Variants in ARHGAP6 observed in about 807,000 individuals in gnomAD.
The protein encoded by ARHGAP6 is rho GTPase-activating protein 6.
In ARHGAP6, 16 loss-of-function variants were observed where a neutral mutation model predicts 55.7. The ratio of observed to expected loss-of-function variants is 0.29; its 90% CI spans 0.19 to 0.44. The LOEUF (loss-of-function observed/expected upper bound fraction) is 0.44, where lower values mean the gene tolerates loss of function less well. Ranked by LOEUF, ARHGAP6 falls within the 20% of genes least tolerant of loss-of-function variation. The pLI is 1.00. For missense variants in ARHGAP6, 698 were observed against 808.9 expected, an observed-to-expected ratio of 0.86 and a Z score of 1.66; for synonymous variants, 382 against 360.9, an observed-to-expected ratio of 1.06 and a Z score of -0.66.
At chrX:11,641,259 CA>C (rs1352475111) in intron 1 of ARHGAP6, among the ~76,000 whole-genome samples, 2 of 111,461 alleles carry the variant, frequency 1.8e-5, no homozygotes, top group African/African-American at 6.5e-5. Context: ...TTAACAGTAA[CA>C]AGGATTTGCC....
intron 1 of ARHGAP6, among the ~76,000 whole-genome samples, chrX:11,340,727 TA>T (rs375095149): frequency 3.1e-3 from 296 of 96,262 alleles, no homozygotes; most frequent in Non-Finnish European, 3.2e-3. Context: ...AGACTCCGTC[TA>T]AAAAAAAAAA....
At chrX:11,452,749 A>G (rs1225057491) in intron 1 of ARHGAP6, among the ~76,000 whole-genome samples, 1 of 111,576 alleles carries the variant, frequency 9.0e-6, no homozygotes, top group East Asian at 2.8e-4. Flanking sequence ...CTCTACAGAG[A>G]TTTTTTCATA....
chrX:11,247,837 C>T (rs960469701), intron 2 of ARHGAP6, among the ~76,000 whole-genome samples: 9 of 111,549 alleles, frequency 8.1e-5, no homozygotes, highest in Non-Finnish European at 1.7e-4. Flanking sequence ...TTTCCTGGTT[C>T]TGTGACTAAG....
chrX:11,270,009 C>G (rs773539960), intron 1 of ARHGAP6, among the ~76,000 whole-genome samples: 15 of 112,056 alleles, frequency 1.3e-4, no homozygotes, highest in Non-Finnish European at 2.4e-4. Context: ...TAAAGAACAA[C>G]TAAAATTTAC....
chrX:11,601,715 A>G (rs1320730239), intron 1 of ARHGAP6, among the ~76,000 whole-genome samples: 1 of 111,755 alleles, frequency 8.9e-6, no homozygotes, highest in Non-Finnish European at 1.9e-5. Flanking sequence ...CAATGTGTCA[A>G]TCTCTAGAGA....
Position 11,633,519 on chromosome X carries a change from C to G in ARHGAP6, c.588+30722G>C, listed in dbSNP as rs755945627. ...ATCACTCCACTATACCCACTGTTTC[C>G]AATTCACTGACATTCCATCACCCTT... On this transcript the variant is annotated intron_variant, in intron 1 of 12. Transcript: ENST00000337414. Among the ~76,000 whole-genome samples, 3 of 112,050 alleles carry G rather than the reference C, an allele frequency of 2.7e-5. No homozygotes were observed. The South Asian group carries it at 1.1e-3, about 42-fold the overall frequency.
intron 1 of ARHGAP6, among the ~76,000 whole-genome samples, chrX:11,540,523 G>C (rs1011070820): frequency 9.0e-6 from 1 of 111,114 alleles, no homozygotes; most frequent in Admixed American, 9.6e-5. Flanking sequence ...ACAGATAACT[G>C]TCTTTCCTTG....
intron 3 of ARHGAP6, among the ~76,000 whole-genome samples, chrX:11,189,305 G>A (rs1218979608): frequency 3.6e-5 from 4 of 111,894 alleles, no homozygotes; most frequent in Non-Finnish European, 7.5e-5. Flanking sequence ...AATGGGAGGC[G>A]CAAAGCTTAT....
intron 1 of ARHGAP6, among the ~76,000 whole-genome samples, chrX:11,342,670 A>T (rs2048721851): frequency 8.9e-6 from 1 of 112,253 alleles, no homozygotes; most frequent in Non-Finnish European, 1.9e-5. Flanking sequence ...GAATTCTGCC[A>T]CTTTGAGGTT....
chrX:11,578,593 C>T (rs1048183190), intron 1 of ARHGAP6, among the ~76,000 whole-genome samples: 7 of 111,869 alleles, frequency 6.3e-5, no homozygotes, highest in South Asian at 7.5e-4. Context: ...GACTGTAAAC[C>T]AGTTCAACCA....
intron 1 of ARHGAP6, among the ~76,000 whole-genome samples, chrX:11,565,175 A>C (rs1259594914): frequency 8.9e-6 from 1 of 112,154 alleles, no homozygotes; most frequent in East Asian, 2.8e-4. Flanking sequence ...TCACATCAAC[A>C]ACTATCACTG....
intron 1 of ARHGAP6, among the ~76,000 whole-genome samples, chrX:11,342,056 G>A (rs1275853009): frequency 2.7e-5 from 3 of 109,452 alleles, no homozygotes; most frequent in Non-Finnish European, 5.7e-5. Flanking sequence ...GGGGAAAGGG[G>A]AAATGGTGAG....
chrX:11,312,154 A>T (rs2048309359), intron 1 of ARHGAP6, among the ~76,000 whole-genome samples: 1 of 112,171 alleles, frequency 8.9e-6, no homozygotes, highest in African/African-American at 3.2e-5. Flanking sequence ...CTTGAACTAA[A>T]GTTTCTTTGA....
At chrX:11,360,954 G>A (rs1469149469) in intron 1 of ARHGAP6, among the ~76,000 whole-genome samples, 2 of 110,599 alleles carry the variant, frequency 1.8e-5, no homozygotes, top group East Asian at 5.6e-4. Context: ...AAGGGACGTG[G>A]AGGACCTCTT....
rs187188871 is a variant in ARHGAP6 at position 11,419,882 on chromosome X, C to T, written c.589-165175G>A. On this transcript the variant is annotated intron_variant, in intron 1 of 12. Coordinates refer to ENST00000337414, the MANE Select transcript of ARHGAP6 (RefSeq NM_013427.3). ...TGGCAACTTTTCTCTAAAGCCACAACTCCAAATTCTTCTAAAATTGTTATT... is the reference window on the plus strand; with the variant it reads ...TGGCAACTTTTCTCTAAAGCCACAATTCCAAATTCTTCTAAAATTGTTATT... Among the ~76,000 whole-genome samples, 4 of 112,909 alleles carry T rather than the reference C, an allele frequency of 3.5e-5. No individual in the cohort carries two copies. The East Asian group carries it at 1.1e-3, about 31-fold the overall frequency.
intron 1 of ARHGAP6, among the ~76,000 whole-genome samples, chrX:11,522,235 A>G (rs1419157294): frequency 9.0e-6 from 1 of 111,522 alleles, no homozygotes; most frequent in Admixed American, 9.6e-5. Context: ...CATTTAAAGC[A>G]GTGTGTAGAG....
chrX:11,621,850 T>C (rs755649462), intron 1 of ARHGAP6, among the ~76,000 whole-genome samples: 4 of 111,553 alleles, frequency 3.6e-5, no homozygotes, highest in Non-Finnish European at 5.7e-5. Context: ...CCTAGACACA[T>C]TTTAGTCAAA....
intron 1 of ARHGAP6, among the ~76,000 whole-genome samples, chrX:11,321,619 T>C (rs1045840554): frequency 9.0e-6 from 1 of 111,681 alleles, no homozygotes; most frequent in Admixed American, 9.5e-5. Context: ...AAAATAAGCC[T>C]GTGTTAAAAG....
At chrX:11,646,582 G>A (rs2052530382) in intron 1 of ARHGAP6, among the ~76,000 whole-genome samples, 1 of 111,902 alleles carries the variant, frequency 8.9e-6, no homozygotes, top group Admixed American at 9.5e-5. Context: ...CTTTGTTGGG[G>A]GAAAGGGTTG....
Sources: allele counts gnomAD v4.1 joint callset (sites outside exome capture counted in the v4.1 genomes callset), GRCh38; gene constraint gnomAD v4.1.1; transcripts MANE v1.5; gene names NCBI Gene and HGNC (gene_info 2026-07-23, HGNC 2026-07-21).